Variants in TMEM161B observed in about 807,000 individuals in gnomAD.
TMEM161B encodes transmembrane protein 161B.
Under a neutral mutation model 61.8 loss-of-function variants are expected in TMEM161B, and 34 were observed. That is an observed-to-expected ratio of 0.55 (90% CI 0.42 to 0.73). The LOEUF (loss-of-function observed/expected upper bound fraction) is 0.73. Ranked by LOEUF, TMEM161B falls within the 30% of genes least tolerant of loss-of-function variation. The probability of loss-of-function intolerance (pLI) is 0.00; values close to 1 mark genes in which losing one functional copy is unlikely to be tolerated. For synonymous variants in TMEM161B, 167 were observed against 192.8 expected, an observed-to-expected ratio of 0.87 and a Z score of 1.11; for missense variants, 456 against 558.5, an observed-to-expected ratio of 0.82 and a Z score of 1.85.
rs73770359 is a variant in TMEM161B at position 88,240,563 on chromosome 5, C to T, written c.107+250G>A. Among the ~76,000 whole-genome samples the T allele has an allele frequency of 4.7e-3, 720 of 151,580 alleles. 10 individuals are homozygous for T. The highest frequency in any genetic ancestry group is 0.016 in the African/African-American group (670 of 41,390). On this transcript the variant is annotated intron_variant, in intron 2 of 11. Coordinates refer to ENST00000296595, the MANE Select transcript of TMEM161B (RefSeq NM_153354.5). ...GAGTAATAAGGAAGCTATAATGAGG[C>T]AATCCCAGAACTTTGGGAAGCCAAG...
intron 1 of TMEM161B, among the ~76,000 whole-genome samples, chr5:88,251,557 G>C (rs1327906250): frequency 6.6e-6 from 1 of 151,664 alleles, no homozygotes; most frequent in Non-Finnish European, 1.5e-5. Context: ...CCCAAGGTTA[G>C]CCTGGCCAAT....
intron 1 of TMEM161B, among the ~76,000 whole-genome samples, chr5:88,249,239 G>A (rs1754018560): frequency 6.6e-6 from 1 of 152,054 alleles, no homozygotes; most frequent in Non-Finnish European, 1.5e-5. Flanking sequence ...TCTCATAAAT[G>A]TCAAACCAGA....
chr5:88,202,951 C>A lies in TMEM161B; in HGVS notation c.914+11G>T. On this transcript the variant is annotated intron_variant, in intron 9 of 11. Coordinates refer to ENST00000296595, the MANE Select transcript of TMEM161B (RefSeq NM_153354.5). Reference sequence around the variant, plus strand: ...GGTGATAAAAATCAGCCCTCAAATGCCCATACTTACAAAGGGATACTTTCT... The same window carrying A: ...GGTGATAAAAATCAGCCCTCAAATGACCATACTTACAAAGGGATACTTTCT... 6.4e-7 allele frequency: 1 copy of A among 1,560,340 alleles called. No individual in the cohort carries two copies. The highest frequency in any genetic ancestry group is 8.8e-7 in the Non-Finnish European group (1 of 1,131,444).
intron 11 of TMEM161B, 96 bp from the exon 12 acceptor site, chr5:88,196,584 G>A: frequency 8.3e-7 from 1 of 1,205,544 alleles, no homozygotes; most frequent in Non-Finnish European, 1.1e-6. Flanking sequence ...TTAACAATAT[G>A]TTTAGTGGCA....
downstream of TMEM161B, among the ~76,000 whole-genome samples, chr5:88,188,665 A>C (rs778605610): frequency 6.6e-6 from 1 of 152,156 alleles, no homozygotes; most frequent in African/African-American, 2.4e-5. Flanking sequence ...CACTGGATTA[A>C]AGAAGGAAGA....
At position 88,189,995 on chromosome 5, in the gene TMEM161B, C is replaced by A. The variant is rs914914251; in HGVS notation, c.*57G>T. ...TCTTCTGTACCAAGTCAGCCACAAACGCCAGCCCATTATCTGAGCCGATCC... is the reference window on the plus strand; with the variant it reads ...TCTTCTGTACCAAGTCAGCCACAAAAGCCAGCCCATTATCTGAGCCGATCC... On this transcript the variant is annotated 3_prime_UTR_variant, in exon 13 of 13. Coordinates refer to the TMEM161B transcript ENST00000514135. 8.7e-6 allele frequency: 6 copies of A among 692,194 alleles called. No individual in the cohort carries two copies. In the East Asian group the frequency reaches 1.6e-4, roughly 19 times the overall value. The allele number at this position is 692,194 out of a possible 1,614,324, so 42.9% of individuals were successfully genotyped here.
intron 3 of TMEM161B, 38 bp from the exon 4 acceptor site, chr5:88,225,904 C>T (rs1292827134): frequency 7.6e-7 from 1 of 1,321,736 alleles, no homozygotes; most frequent in Non-Finnish European, 1.1e-6. Flanking sequence ...AAACAAGTTA[C>T]CTACACTGTT....
At position 88,203,112 on chromosome 5, in the gene TMEM161B, A is replaced by C. The variant is rs946717382; in HGVS notation, c.801-37T>G. On this transcript the variant is annotated intron_variant, in intron 8 of 11. Coordinates refer to ENST00000296595, the MANE Select transcript of TMEM161B (RefSeq NM_153354.5). Reference sequence around the variant, plus strand: ...TAAGAAATAAATATAAAAATTCAGAAACAGCACGTGCTAATAAACTACAGA... The same window carrying C: ...TAAGAAATAAATATAAAAATTCAGACACAGCACGTGCTAATAAACTACAGA... 8 of 1,300,922 alleles carry C rather than the reference A, an allele frequency of 6.1e-6. No individual in the cohort carries two copies. In the African/African-American group the frequency reaches 1.1e-4, roughly 19 times the overall value. 80.6% of individuals were successfully genotyped at this position (1,300,922 alleles called of 1,614,324 possible).
intron 1 of TMEM161B, among the ~76,000 whole-genome samples, chr5:88,250,166 T>A (rs80346566): frequency 6.6e-6 from 1 of 151,528 alleles, no homozygotes; most frequent in Non-Finnish European, 1.5e-5. Context: ...CTCTGCCAGT[T>A]TGCACAGAGA....
At position 88,240,995 on chromosome 5, in the gene TMEM161B, T is replaced by G. The variant is rs1432199667; in HGVS notation, c.4-79A>C. 29 of 960,502 alleles carry G rather than the reference T, an allele frequency of 3.0e-5. 1 individual carries two copies. The highest frequency in any genetic ancestry group is 4.5e-6 in the Non-Finnish European group (3 of 667,404). The allele number at this position is 960,502 out of a possible 1,614,324, so 59.5% of individuals were successfully genotyped here. ...ATTGCTGGAAAACTTTCTGTACATT[T>G]TGAAAATTACATTTTAAGAAAAATG... is the stretch of plus-strand genomic sequence containing the variant. On this transcript the variant is annotated intron_variant, in intron 1 of 11. Transcript: ENST00000296595.
chr5:88,268,650 T>C lies in TMEM161B; in HGVS notation c.3+71A>G, dbSNP rs1357831984. 8.1e-6 allele frequency: 13 copies of C among 1,608,914 alleles called. No individual in the cohort carries two copies. The East Asian group carries it at 2.7e-4, about 33-fold the overall frequency. The stretch of plus-strand genomic sequence containing the variant: ...TTCTGAGCAGAGCACCTGATGGCTC[T>C]TTTCACAGTACTGACCTCCCCGCCC... On this transcript the variant is annotated intron_variant, in intron 1 of 11. Coordinates refer to ENST00000296595, the MANE Select transcript of TMEM161B (RefSeq NM_153354.5).
At chr5:88,267,205 C>T (rs1325553826) in intron 1 of TMEM161B, among the ~76,000 whole-genome samples, 1 of 152,134 alleles carries the variant, frequency 6.6e-6, no homozygotes, top group Admixed American at 6.5e-5. Flanking sequence ...ACCCCAGATT[C>T]TTTCTTCTGT....
At chr5:88,249,080 T>A (rs766200447) in intron 1 of TMEM161B, among the ~76,000 whole-genome samples, 52 of 152,064 alleles carry the variant, frequency 3.4e-4, no homozygotes, top group Admixed American at 3.3e-4. Context: ...CAACTCACAT[T>A]TAGGTCTGGC....
rs751743844 is a variant in TMEM161B at position 88,205,951 on chromosome 5, AC to A, written c.662del (p.Ser221IlefsTer23). 6.3e-7 allele frequency: 1 copy of A among 1,585,770 alleles called. No homozygotes were observed. ...ATTTGAAAGTAAGTTTTGAAACAGG[AC>A]TCCTAAAAATAAAATTTTTTAAAAA... ...FLEKQGLESQ[S>X]PVSKLTFKFF... On this transcript the variant is annotated frameshift_variant and splice_region_variant, in exon 8 of 12. Transcript: ENST00000296595. LOFTEE classifies it high-confidence loss of function.
chr5:88,252,031 C>T (rs1286680890), intron 1 of TMEM161B, among the ~76,000 whole-genome samples: 1 of 151,976 alleles, frequency 6.6e-6, no homozygotes, highest in Non-Finnish European at 1.5e-5. Context: ...TATTACGTAA[C>T]AATAAATATA....
intron 1 of TMEM161B, among the ~76,000 whole-genome samples, chr5:88,253,512 G>C (rs974939793): frequency 2.0e-5 from 3 of 152,098 alleles, no homozygotes; most frequent in Non-Finnish European, 2.9e-5. Flanking sequence ...ATACCTACCC[G>C]TACAAAGACA....
intron 1 of TMEM161B, among the ~76,000 whole-genome samples, chr5:88,260,774 A>T (rs1755588044): frequency 6.6e-6 from 1 of 152,232 alleles, no homozygotes; most frequent in Admixed American, 6.5e-5. Context: ...GCATACAAGC[A>T]CATCGATTTT....
chr5:88,190,581 T>C (rs988864140), downstream of TMEM161B, among the ~76,000 whole-genome samples: 1 of 152,202 alleles, frequency 6.6e-6, no homozygotes, highest in African/African-American at 2.4e-5. Flanking sequence ...CAGATGCTGC[T>C]TTTGGAGACT....
chr5:88,225,269 AAT>A (rs985716621), intron 4 of TMEM161B, among the ~76,000 whole-genome samples: 2 of 151,982 alleles, frequency 1.3e-5, no homozygotes, highest in Non-Finnish European at 2.9e-5. Flanking sequence ...GCCCAGCCAA[AAT>A]ATGTGTTGAT....
Sources: gnomAD v4.1 joint callset for allele counts (sites outside exome capture counted in the v4.1 genomes callset) on GRCh38, gnomAD v4.1.1 for gene constraint, MANE v1.5 for transcripts, NCBI Gene and HGNC (gene_info 2026-07-23, HGNC 2026-07-21) for gene names.